PTPN12: variants seen among roughly 807,000 people sequenced by gnomAD.
PTPN12 encodes tyrosine-protein phosphatase non-receptor type 12.
A neutral mutation model predicts 97.6 loss-of-function variants in PTPN12; 29 were observed. That is an observed-to-expected ratio of 0.30 (90% CI 0.22 to 0.41). The LOEUF (loss-of-function observed/expected upper bound fraction) is 0.41, where lower values mean the gene tolerates loss of function less well. Ranked by LOEUF, PTPN12 falls within the 10% of genes least tolerant of loss-of-function variation. The pLI, the probability that PTPN12 is intolerant of heterozygous loss-of-function variation, is 1.00. For synonymous variants in PTPN12, 327 were observed against 300.4 expected (o/e 1.09, Z -0.91); for missense variants, 819 against 926.0 (o/e 0.88, Z 1.50).
At chr7:77,610,614 C>T (rs950728021) in intron 9 of PTPN12, 151 bp from the exon 10 acceptor site, 4 of 818,690 alleles carry the variant, frequency 4.9e-6, no homozygotes, top group African/African-American at 3.5e-5. Context: ...TTCCACAGTG[C>T]CAAGCACAGT....
intron 1 of PTPN12, among the ~76,000 whole-genome samples, chr7:77,553,334 G>T (rs992538856): frequency 1.3e-5 from 2 of 152,226 alleles, no homozygotes; most frequent in Non-Finnish European, 2.9e-5. Context: ...AAGTTCATCT[G>T]TGTCCTTACT....
At chr7:77,602,801 C>G (rs1343619779) in intron 8 of PTPN12, among the ~76,000 whole-genome samples, 1 of 152,154 alleles carries the variant, frequency 6.6e-6, no homozygotes, top group East Asian at 1.9e-4. Flanking sequence ...AAAGGCCTTA[C>G]AGTCATAGTA....
intron 6 of PTPN12, among the ~76,000 whole-genome samples, chr7:77,595,039 G>A (rs1034757047): frequency 6.6e-6 from 1 of 151,850 alleles, no homozygotes; most frequent in African/African-American, 2.4e-5. Flanking sequence ...CTCTATAAAT[G>A]GTTCACAAAG....
Position 77,610,751 on chromosome 7 carries a change from A to G in PTPN12, c.763-14A>G, listed in dbSNP as rs1184627480. 6.3e-7 allele frequency: 1 copy of G among 1,578,712 alleles called. No homozygotes were observed. Among genetic ancestry groups the G allele is most frequent in the South Asian group, 1.2e-5 (1 of 85,774 alleles). On this transcript the variant is annotated splice_polypyrimidine_tract_variant and intron_variant, in intron 9 of 17. Coordinates refer to ENST00000248594, the MANE Select transcript of PTPN12 (RefSeq NM_002835.4). ...TAGATACACAAAGTTGATGTATTAAATTTTCTGTTTTAGAAAATACCAGAG... is the reference window on the plus strand; with the variant it reads ...TAGATACACAAAGTTGATGTATTAAGTTTTCTGTTTTAGAAAATACCAGAG...
At chr7:77,613,845 A>G (rs1348534704) in intron 11 of PTPN12, among the ~76,000 whole-genome samples, 3 of 151,620 alleles carry the variant, frequency 2.0e-5, no homozygotes, top group African/African-American at 4.8e-5. Context: ...CCCAAAGTGC[A>G]GGAATTATAG....
intron 11 of PTPN12, among the ~76,000 whole-genome samples, chr7:77,612,751 T>G (rs182682498): frequency 1.3e-5 from 2 of 151,420 alleles, no homozygotes; most frequent in Admixed American, 1.3e-4. Flanking sequence ...ATGTGTTTTT[T>G]GTTTGTTTTG....
At chr7:77,610,890 T>C in intron 10 of PTPN12, 48 bp downstream of exon 10, 5 of 1,582,870 alleles carry the variant, frequency 3.2e-6, no homozygotes, top group Non-Finnish European at 4.3e-6. Context: ...ATAAATGCTT[T>C]CTTCTTTTTT....
At chr7:77,574,213 G>A (rs111675454) in intron 2 of PTPN12, among the ~76,000 whole-genome samples, 1 of 152,180 alleles carries the variant, frequency 6.6e-6, no homozygotes, top group African/African-American at 2.4e-5. Context: ...GGGATAGGGA[G>A]AAAGCAGAGA....
chr7:77,558,424 T>C (rs1303826525), intron 1 of PTPN12, among the ~76,000 whole-genome samples: 2 of 152,156 alleles, frequency 1.3e-5, no homozygotes, highest in African/African-American at 4.8e-5. Flanking sequence ...TACTTGCATA[T>C]GTGCATAAAA....
At chr7:77,551,382 G>A (rs990921997) in intron 1 of PTPN12, among the ~76,000 whole-genome samples, 2 of 152,224 alleles carry the variant, frequency 1.3e-5, no homozygotes, top group Non-Finnish European at 2.9e-5. Context: ...GCTCTTGTCT[G>A]TAGCTATCTG....
At chr7:77,597,757 A>T in intron 6 of PTPN12, 85 bp from the exon 7 acceptor site, 1 of 1,445,404 alleles carries the variant, frequency 6.9e-7, no homozygotes, top group Non-Finnish European at 9.2e-7. Flanking sequence ...TATATTGTGG[A>T]CTTTGATACA....
chr7:77,576,157 T>C (rs180962218), intron 2 of PTPN12, among the ~76,000 whole-genome samples: 203 of 152,288 alleles, frequency 1.3e-3, no homozygotes, highest in Non-Finnish European at 4.9e-4. Flanking sequence ...CCCAGCCTCT[T>C]GTTAACACAT....
At chr7:77,562,343 G>T (rs1326691734) in intron 1 of PTPN12, among the ~76,000 whole-genome samples, 2 of 152,180 alleles carry the variant, frequency 1.3e-5, no homozygotes, top group Non-Finnish European at 2.9e-5. Context: ...GTGAGCCACT[G>T]CTTCCGGCCT....
intron 1 of PTPN12, among the ~76,000 whole-genome samples, chr7:77,539,136 T>C (rs1228937963): frequency 6.6e-6 from 1 of 152,182 alleles, no homozygotes; most frequent in Non-Finnish European, 1.5e-5. Context: ...TTTCACGTTT[T>C]AAAGAGACTG....
At chr7:77,638,482 T>C in intron 16 of PTPN12, 142 bp from the exon 17 acceptor site, 1 of 1,235,278 alleles carries the variant, frequency 8.1e-7, no homozygotes, top group East Asian at 3.2e-5. Context: ...GTATTTATAT[T>C]GTTCTTGACC....
intron 4 of PTPN12, 120 bp from the exon 5 acceptor site, chr7:77,585,423 T>C: frequency 1.3e-6 from 1 of 795,548 alleles, no homozygotes; most frequent in South Asian, 1.8e-5. Flanking sequence ...TGAAACTACT[T>C]TTTTAGGCAA....
chr7:77,625,108 C>T (rs1789088022), intron 12 of PTPN12, among the ~76,000 whole-genome samples: 1 of 152,096 alleles, frequency 6.6e-6, no homozygotes. Flanking sequence ...GCACTCCAGC[C>T]TGGGTGACAG....
intron 8 of PTPN12, among the ~76,000 whole-genome samples, chr7:77,604,259 G>A (rs1788285225): frequency 2.6e-5 from 3 of 115,610 alleles, no homozygotes. Flanking sequence ...GCTGTCGCCT[G>A]GGCTGGAGTG....
Position 77,627,313 on chromosome 7 carries a change from T to A in PTPN12, c.1634T>A (p.Ile545Lys), listed in dbSNP as rs745455416. The change falls in exon 13 of 18, where the codon ATA (isoleucine) becomes AAA (lysine). Residue 545 changes from isoleucine (I) to lysine (K), a missense_variant. By Grantham distance (102) the Ile-to-Lys change is moderately radical (BLOSUM62 -3). Coordinates refer to ENST00000248594, the MANE Select transcript of PTPN12 (RefSeq NM_002835.4). ...TCATTTCATGGACCTGAAAATGCCA[T>A]ACCCATACCTGATTTATCTGAAGGC... ...TWSFHGPENA[I>K]PIPDLSEGNS... 1.2e-6 allele frequency: 2 copies of A among 1,614,172 alleles called. No homozygotes were observed. The highest frequency in any genetic ancestry group is 3.3e-5 in the Admixed American group (2 of 60,016).
Sources: allele counts gnomAD v4.1 joint callset (sites outside exome capture counted in the v4.1 genomes callset), GRCh38; gene constraint gnomAD v4.1.1; transcripts MANE v1.5; gene names NCBI Gene and HGNC (gene_info 2026-07-23, HGNC 2026-07-21).